The following CACNA1C variants were observed in gnomAD, a reference collection of about 807,000 sequenced individuals.
CACNA1C encodes the protein voltage-dependent L-type calcium channel subunit alpha-1C.
Under a neutral mutation model 229.0 loss-of-function variants are expected in CACNA1C, and 30 were observed. The observed-to-expected ratio is 0.13, with a 90% CI of 0.10 to 0.18. The LOEUF is 0.18. CACNA1C is among the 10% of genes least tolerant of loss of function. CACNA1C has a pLI of 1.00. For synonymous variants in CACNA1C, 1,114 were observed against 1,132.5 expected (o/e 0.98, Z 0.33); for missense variants, 1,658 against 2,845.0 (o/e 0.58, Z 9.49).
rs1051078746 is a variant in CACNA1C, at chr12:2,602,263, C to T, written c.2960+303C>T. ...CAGGACCTTCCTGCCTCCTCCACCA[C>T]GGCCCCAGTGCCCTAGGCTGACCTT... On this transcript the variant is annotated intron_variant, in intron 22 of 46. Transcript: ENST00000399655. The surrounding 1 kb of genome is among the most constrained non-coding windows in gnomAD (Gnocchi z 4.4). Among the ~76,000 whole-genome samples, 1 of 152,220 alleles carries T rather than the reference C, an allele frequency of 6.6e-6. No individual in the cohort carries two copies. The highest frequency in any genetic ancestry group is 2.4e-5 in the African/African-American group (1 of 41,444).
At chr12:2,437,848 G>GGTA (rs201209971) in intron 3 of CACNA1C, among the ~76,000 whole-genome samples, 4 of 94,030 alleles carry the variant, frequency 4.3e-5, no homozygotes, top group Middle Eastern at 6.6e-3. Context: ...TGATGGTGGT[G>GGTA]ATGATGGTGG....
chr12:2,071,013 TCCTTCCTTCCTTC>T (rs1409871733), intron 1 of CACNA1C, among the ~76,000 whole-genome samples: 1 of 123,498 alleles, frequency 8.1e-6, no homozygotes, highest in East Asian at 2.8e-4. Context: ...CTTCTCTTTC[TCCTTCCTTCCTTC>T]CTCCTTCCTT....
At chr12:2,007,204 C>G (rs113890373) in intron 1 of CACNA1C, among the ~76,000 whole-genome samples, 9 of 152,302 alleles carry the variant, frequency 5.9e-5, no homozygotes, top group African/African-American at 2.2e-4. Context: ...GCATTTCCCT[C>G]GTACATATAA....
At chr12:2,203,077 G>C (rs1284457761) in intron 3 of CACNA1C, among the ~76,000 whole-genome samples, 3 of 152,186 alleles carry the variant, frequency 2.0e-5, no homozygotes, top group African/African-American at 7.2e-5. Context: ...GAAAGGTCTT[G>C]ATTTCCATGC....
intron 3 of CACNA1C, among the ~76,000 whole-genome samples, chr12:2,374,930 A>G (rs945687875): frequency 3.3e-5 from 5 of 152,218 alleles, no homozygotes; most frequent in African/African-American, 9.6e-5. Flanking sequence ...CTGTGGCAGG[A>G]CAGCCTCAGA....
At position 2,697,468 on chromosome 12, in the gene CACNA1C, A is replaced by G. The variant is rs2097850347; in HGVS notation, c.*6269A>G. ...TTAATCCACCAGAGCTACCATGCAA[A>G]ACTTTCCTCCTGTGAAACGCTCCAG... On this transcript the variant is annotated 3_prime_UTR_variant, in exon 47 of 47. Coordinates refer to ENST00000399655, the MANE Select transcript of CACNA1C (RefSeq NM_000719.7). 2 of 152,084 alleles carry G rather than the reference A, an allele frequency of 1.3e-5. No homozygotes were observed. The highest frequency in any genetic ancestry group is 2.4e-5 in the African/African-American group (1 of 41,396). The allele number at this position is 152,084 out of a possible 1,614,324, so 9.4% of individuals were successfully genotyped here. A position where few individuals can be genotyped will look rare whatever the true frequency, so the allele number is the denominator to read the frequency against.
At position 2,512,980 on chromosome 12, in the gene CACNA1C, A is replaced by G; in HGVS notation, c.1386A>G (p.Arg462=). 6.2e-7 allele frequency: 1 copy of G among 1,600,654 alleles called. No individual in the cohort carries two copies. Among genetic ancestry groups the G allele is most frequent in the Non-Finnish European group, 8.5e-7 (1 of 1,173,510 alleles). Residue 462 remains arginine (R), a synonymous_variant, in exon 9 of 47, where the codon CGA becomes CGG. Transcript: ENST00000399655. The surrounding 1 kb of genome is among the most constrained non-coding windows in gnomAD (Gnocchi z 4.3). The part of the protein sequence containing the change: ...EDEGMDEEKP[R]NMSMPTSETE... ...AAGGCATGGATGAGGAGAAGCCCCG[A>G]AACAGTGAGCAGCCGTCTTCTTCTG...
chr12:2,527,516 T>C (rs931531983), intron 9 of CACNA1C, among the ~76,000 whole-genome samples: 11 of 152,232 alleles, frequency 7.2e-5, no homozygotes, highest in Non-Finnish European at 1.5e-5. Context: ...GATATGATAA[T>C]GGTGTCCACT....
chr12:2,325,871 G>A (rs1333012635), intron 3 of CACNA1C, among the ~76,000 whole-genome samples: 2 of 152,176 alleles, frequency 1.3e-5, no homozygotes, highest in Non-Finnish European at 2.9e-5. Context: ...AGGAAGAGGG[G>A]GACTGAAATA....
chr12:2,380,966 G>A (rs572751309), intron 3 of CACNA1C, among the ~76,000 whole-genome samples: 7 of 152,182 alleles, frequency 4.6e-5, no homozygotes, highest in Non-Finnish European at 5.9e-5. Flanking sequence ...CCAGCAGCAC[G>A]TGGGATGGGG....
chr12:2,143,073 T>C (rs539048796), intron 3 of CACNA1C, among the ~76,000 whole-genome samples: 1 of 151,008 alleles, frequency 6.6e-6, no homozygotes, highest in East Asian at 1.9e-4. Context: ...CCTCCCAGGT[T>C]CAAGCAATTC....
rs1342098123 is a variant in CACNA1C at position 2,310,482 on chromosome 12, G to A, written c.478-138494G>A. On this transcript the variant is annotated intron_variant, in intron 3 of 46. Transcript: ENST00000399655. ...GATAATAGGACTTACATGAAATTCT[G>A]GTTTGTTTAGAGATGCTATAAAGAG... is the stretch of plus-strand genomic sequence containing the variant. Among the ~76,000 whole-genome samples, 3 of 152,026 alleles carry A rather than the reference G, an allele frequency of 2.0e-5. No individual in the cohort carries two copies. In the South Asian group the frequency reaches 6.2e-4, roughly 32 times the overall value.
At chr12:2,256,374 G>T (rs1483673567) in intron 3 of CACNA1C, among the ~76,000 whole-genome samples, 1 of 152,200 alleles carries the variant, frequency 6.6e-6, no homozygotes, top group Non-Finnish European at 1.5e-5. Context: ...GCTAAGTCTA[G>T]CCTGTGTCTA....
intron 3 of CACNA1C, among the ~76,000 whole-genome samples, chr12:2,264,153 G>A (rs904512829): frequency 3.9e-5 from 6 of 152,216 alleles, no homozygotes; most frequent in Non-Finnish European, 8.8e-5. Context: ...GACTCCCAGG[G>A]AGTAGGGGTA....
chr12:2,037,437 G>A (rs1417627302), intron 1 of CACNA1C, among the ~76,000 whole-genome samples: 1 of 152,214 alleles, frequency 6.6e-6, no homozygotes, highest in Non-Finnish European at 1.5e-5. Flanking sequence ...AGAGTTAGCT[G>A]TGAGTTAAAG....
intron 3 of CACNA1C, among the ~76,000 whole-genome samples, chr12:2,400,058 T>C (rs1381857139): frequency 6.6e-6 from 1 of 152,186 alleles, no homozygotes; most frequent in African/African-American, 2.4e-5. Flanking sequence ...AAGGGGGGTG[T>C]ATTCCTAAAA....
chr12:2,150,667 T>C (rs75381140), intron 3 of CACNA1C, among the ~76,000 whole-genome samples: 1,530 of 152,254 alleles, frequency 0.01, 25 homozygotes, highest in African/African-American at 0.035. Context: ...CACGTGTGGG[T>C]TGGCATGCAA....
At chr12:2,624,827 C>T (rs534141291) in intron 29 of CACNA1C, among the ~76,000 whole-genome samples, 47 of 152,274 alleles carry the variant, frequency 3.1e-4, no homozygotes, top group Admixed American at 8.5e-4. Context: ...TGTCTGCCAC[C>T]GTCCACAGAA....
chr12:2,679,197 TG>T lies in CACNA1C; in HGVS notation c.5092-244del, dbSNP rs1413159923. 1.3e-5 allele frequency among the ~76,000 whole-genome samples: 2 copies of T among 152,090 alleles called. No individual in the cohort carries two copies. The highest frequency in any genetic ancestry group is 1.9e-4 in the East Asian group (1 of 5,166). On this transcript the variant is annotated intron_variant, in intron 41 of 46. Coordinates refer to ENST00000399655, the MANE Select transcript of CACNA1C (RefSeq NM_000719.7). This position sits in a 1 kb window ranked among gnomAD's most constrained non-coding sequence, Gnocchi z 5.5. ...GCCCAATCCCATCCCCACTGGTGGGTGGGTTCTCCCAGCTGCTGCAGAGGGG... is the reference window on the plus strand; with the variant it reads ...GCCCAATCCCATCCCCACTGGTGGGTGGTTCTCCCAGCTGCTGCAGAGGGG...
Sources: allele counts gnomAD v4.1 joint callset (sites outside exome capture counted in the v4.1 genomes callset), GRCh38; gene constraint gnomAD v4.1.1; non-coding constraint Gnocchi (gnomAD v3.1); transcripts MANE v1.5; gene names NCBI Gene and HGNC (gene_info 2026-07-23, HGNC 2026-07-21).